CAP2: variants seen among roughly 807,000 people sequenced by gnomAD.
CAP2 encodes the protein cyclase associated actin cytoskeleton regulatory protein 2.
CAP2 carries 24 observed loss-of-function variants against 57.7 expected under a neutral mutation model. The ratio of observed to expected loss-of-function variants is 0.42; its 90% CI spans 0.30 to 0.58. The LOEUF is 0.58. Among genes scored for constraint, CAP2 ranks in the 20% least tolerant of loss-of-function variants. The pLI is 0.22. For missense variants in CAP2, 501 were observed against 590.3 expected, an observed-to-expected ratio of 0.85 and a Z score of 1.57; for synonymous variants, 194 against 207.2, an observed-to-expected ratio of 0.94 and a Z score of 0.55.
chr6:17,410,973 A>T (rs954480059), intron 1 of CAP2, among the ~76,000 whole-genome samples: 4 of 152,184 alleles, frequency 2.6e-5, no homozygotes, highest in African/African-American at 9.7e-5. Context: ...GACCCAATTT[A>T]AATGTCCTAA....
chr6:17,541,013 T>C lies in CAP2; in HGVS notation c.867T>C (p.Asn289=), dbSNP rs754789287. The change falls in exon 9 of 13, where the codon AAT becomes AAC. Residue 289 remains asparagine, a synonymous_variant. Coordinates refer to ENST00000229922, the MANE Select transcript of CAP2 (RefSeq NM_006366.3). ...HVTDDQKTYK[N]PSLRAQGGQT... ...CAGATGACCAGAAGACATACAAAAA[T>C]CCCAGCCTGCGGGCTCAAGGAGGGC... 2.5e-6 allele frequency: 4 copies of C among 1,613,870 alleles called. No individual in the cohort carries two copies. In the African/African-American group the frequency reaches 5.3e-5, roughly 22 times the overall value.
intron 7 of CAP2, among the ~76,000 whole-genome samples, chr6:17,520,252 C>T (rs113364693): frequency 1.3e-5 from 2 of 152,086 alleles, no homozygotes; most frequent in African/African-American, 2.4e-5. Flanking sequence ...AGGCTACAGG[C>T]GTGCACCAAC....
In CAP2 at chr6:17,467,011, C is replaced by T. The variant is rs531053057; in HGVS notation, c.300+3938C>T. On this transcript the variant is annotated intron_variant, in intron 4 of 12. Transcript: ENST00000229922. Reference sequence around the variant, plus strand: ...TGAGAGAAAAGAGTATAGAATTAATCTTTAATAGGAGTTTTGGGCATTGGG... The same window carrying T: ...TGAGAGAAAAGAGTATAGAATTAATTTTTAATAGGAGTTTTGGGCATTGGG... Among the ~76,000 whole-genome samples, 10 of 152,218 alleles carry T rather than the reference C, an allele frequency of 6.6e-5. No homozygotes were observed. In the South Asian group the frequency reaches 2.1e-3, roughly 32 times the overall value.
intron 4 of CAP2, among the ~76,000 whole-genome samples, chr6:17,467,411 T>C (rs1352021251): frequency 6.6e-6 from 1 of 152,232 alleles, no homozygotes; most frequent in Non-Finnish European, 1.5e-5. Context: ...ATGGGGTTCA[T>C]GAAATGATTC....
intron 4 of CAP2, among the ~76,000 whole-genome samples, chr6:17,485,323 G>T (rs566078784): frequency 6.6e-6 from 1 of 152,316 alleles, no homozygotes; most frequent in African/African-American, 2.4e-5. Context: ...CAGATGGAGA[G>T]ATCAAAGCCT....
intron 12 of CAP2, among the ~76,000 whole-genome samples, chr6:17,552,253 A>G (rs1336807102): frequency 6.6e-6 from 1 of 152,212 alleles, no homozygotes; most frequent in African/African-American, 2.4e-5. Context: ...AGAACCATAC[A>G]CGTATTCTCA....
intron 4 of CAP2, 48 bp from the exon 5 acceptor site, chr6:17,507,121 C>G (rs977715680): frequency 1.2e-6 from 2 of 1,606,534 alleles, no homozygotes; most frequent in Non-Finnish European, 1.7e-6. Flanking sequence ...AGGTGCTATG[C>G]GTCTGCTCTG....
chr6:17,555,664 A>T (rs1001930205), intron 12 of CAP2, among the ~76,000 whole-genome samples: 2 of 151,774 alleles, frequency 1.3e-5, no homozygotes, highest in African/African-American at 4.8e-5. Context: ...CCTGGGTTCA[A>T]GCGATTCTCC....
chr6:17,554,609 G>T (rs956484650), intron 12 of CAP2, among the ~76,000 whole-genome samples: 2 of 152,242 alleles, frequency 1.3e-5, no homozygotes, highest in African/African-American at 4.8e-5. Context: ...GAAACAGTTG[G>T]ATCCTACATC....
At chr6:17,510,302 A>T (rs1002455655) in intron 6 of CAP2, among the ~76,000 whole-genome samples, 25 of 152,148 alleles carry the variant, frequency 1.6e-4, no homozygotes, top group Non-Finnish European at 1.5e-5. Context: ...AAATGGTTGA[A>T]GTGTATGGGA....
chr6:17,432,678 C>T (rs887874314), intron 3 of CAP2, among the ~76,000 whole-genome samples: 9 of 152,078 alleles, frequency 5.9e-5, no homozygotes, highest in Non-Finnish European at 1.3e-4. Flanking sequence ...GAGAAGGAAG[C>T]ATTTAAAAGT....
intron 7 of CAP2, among the ~76,000 whole-genome samples, chr6:17,522,304 G>A (rs1429570967): frequency 2.0e-5 from 3 of 152,090 alleles, no homozygotes; most frequent in Non-Finnish European, 2.9e-5. Flanking sequence ...ACTTTTACAC[G>A]TTCATTTATT....
At chr6:17,488,350 C>T (rs1188820700) in intron 4 of CAP2, among the ~76,000 whole-genome samples, 3 of 152,158 alleles carry the variant, frequency 2.0e-5, no homozygotes, top group African/African-American at 7.2e-5. Context: ...AAGCAAACAC[C>T]TCCCTTCTGG....
At chr6:17,488,342 GC>G (rs1761470393) in intron 4 of CAP2, among the ~76,000 whole-genome samples, 1 of 152,088 alleles carries the variant, frequency 6.6e-6, no homozygotes, top group Non-Finnish European at 1.5e-5. Context: ...TAAGTAATAA[GC>G]AAACACCTCC....
chr6:17,452,147 A>G (rs1325002036), intron 3 of CAP2, among the ~76,000 whole-genome samples: 1 of 152,216 alleles, frequency 6.6e-6, no homozygotes, highest in Non-Finnish European at 1.5e-5. Context: ...CTAGCAGGGT[A>G]TAGGTATTTC....
chr6:17,415,165 G>C (rs1759241827), intron 1 of CAP2, among the ~76,000 whole-genome samples: 2 of 152,170 alleles, frequency 1.3e-5, no homozygotes, highest in Admixed American at 1.3e-4. Flanking sequence ...CATTATTTCT[G>C]TATTTTTGGC....
At chr6:17,399,941 G>C (rs547545173) in intron 1 of CAP2, among the ~76,000 whole-genome samples, 1 of 152,254 alleles carries the variant, frequency 6.6e-6, no homozygotes, top group South Asian at 2.1e-4. Flanking sequence ...ACCTGTAGTG[G>C]CCGGGCATGG....
intron 7 of CAP2, among the ~76,000 whole-genome samples, chr6:17,530,397 G>A (rs58837197): frequency 0.12 from 18,514 of 152,084 alleles, 1,275 homozygotes; most frequent in Admixed American, 0.17. Context: ...GGCCTAACCT[G>A]CTTTTAAAGT....
intron 1 of CAP2, among the ~76,000 whole-genome samples, chr6:17,417,284 T>C (rs1581499962): frequency 6.6e-6 from 1 of 151,524 alleles, no homozygotes; most frequent in African/African-American, 2.4e-5. Context: ...ATTTTTTTTT[T>C]TTTTTTTCTG....
Sources: gnomAD v4.1 joint callset for allele counts (sites outside exome capture counted in the v4.1 genomes callset) on GRCh38, gnomAD v4.1.1 for gene constraint, MANE v1.5 for transcripts, NCBI Gene and HGNC (gene_info 2026-07-23, HGNC 2026-07-21) for gene names.